CNR2: variants seen among roughly 807,000 people sequenced by gnomAD.
The protein encoded by CNR2 is cannabinoid receptor 2 (macrophage).
For synonymous variants in CNR2, 172 were observed against 182.2 expected, an observed-to-expected ratio of 0.94 and a Z score of 0.45; for missense variants, 379 against 439.9, an observed-to-expected ratio of 0.86 and a Z score of 1.24.
intron 1 of CNR2, among the ~76,000 whole-genome samples, chr1:23,876,405 T>C (rs1344238492): frequency 6.6e-6 from 1 of 151,654 alleles, no homozygotes; most frequent in Non-Finnish European, 1.5e-5. Flanking sequence ...GGTTTCACCA[T>C]GTTGGCCAGC....
chr1:23,903,641 C>T (rs918067024), intron 1 of CNR2, among the ~76,000 whole-genome samples: 29 of 150,714 alleles, frequency 1.9e-4, no homozygotes, highest in Non-Finnish European at 1.5e-4. Flanking sequence ...CCTAGGTTAA[C>T]ATATCAAAAG....
In CNR2 at chr1:23,872,335, T is replaced by C. The variant is rs1030707409; in HGVS notation, c.*2200A>G. On this transcript the variant is annotated 3_prime_UTR_variant, in exon 2 of 2. Coordinates refer to ENST00000374472, the MANE Select transcript of CNR2 (RefSeq NM_001841.3). The stretch of plus-strand genomic sequence containing the variant: ...CACATCTTGATTTTGACTTCTGGCC[T>C]CCAGAATTATGAGACAGTAAATTTC... 1 of 151,846 alleles carries C rather than the reference T, an allele frequency of 6.6e-6. No homozygotes were observed. The highest frequency in any genetic ancestry group is 1.5e-5 in the Non-Finnish European group (1 of 67,998). The allele number at this position is 151,846 out of a possible 1,614,324, so 9.4% of individuals were successfully genotyped here. A position where few individuals can be genotyped will look rare whatever the true frequency, so the allele number is the denominator to read the frequency against.
At position 23,874,683 on chromosome 1, in the gene CNR2, T is replaced by C; in HGVS notation, c.935A>G (p.His312Arg). The C allele has an allele frequency of 6.2e-7, 1 of 1,614,058 alleles. No individual in the cohort carries two copies. The highest frequency in any genetic ancestry group is 8.5e-7 in the Non-Finnish European group (1 of 1,180,002). The change falls in exon 2 of 2, where the codon CAC becomes CGC. Residue 312 changes from histidine to arginine, a missense_variant. By Grantham distance (29) the His-to-Arg change is conservative. Transcript: ENST00000374472. ...RSGEIRSSAH[H>R]CLAHWKKCVR... Reference sequence around the variant, plus strand: ...ACACTTCTTCCAGTGAGCCAGGCAGTGATGGGCAGAGGAGCGGATCTCTCC... The same window carrying C: ...ACACTTCTTCCAGTGAGCCAGGCAGCGATGGGCAGAGGAGCGGATCTCTCC...
intron 1 of CNR2, chr1:23,906,984 A>C (rs1225542777): frequency 1.1e-5 from 1 of 90,980 alleles, no homozygotes; most frequent in Non-Finnish European, 2.4e-5. Context: ...TATACCCAGT[A>C]CAGGAAAAGA....
intron 1 of CNR2, among the ~76,000 whole-genome samples, chr1:23,877,551 C>T (rs912771413): frequency 3.3e-5 from 5 of 151,906 alleles, no homozygotes; most frequent in South Asian, 4.1e-4. Context: ...AGGAGAATGG[C>T]GTGAACCCGG....
At chr1:23,909,499 G>T (rs1350817417) in intron 1 of CNR2, among the ~76,000 whole-genome samples, 2 of 152,090 alleles carry the variant, frequency 1.3e-5, no homozygotes, top group Non-Finnish European at 2.9e-5. Context: ...GCCTTTACAG[G>T]ACCGAGGTGA....
chr1:23,886,825 C>T (rs1380619509), intron 1 of CNR2, among the ~76,000 whole-genome samples: 1 of 152,244 alleles, frequency 6.6e-6, no homozygotes, highest in Non-Finnish European at 1.5e-5. Flanking sequence ...CAAGGCAAAA[C>T]TCCAGTGCAA....
At chr1:23,889,178 C>A (rs1374302708) in intron 1 of CNR2, among the ~76,000 whole-genome samples, 2 of 152,060 alleles carry the variant, frequency 1.3e-5, no homozygotes, top group African/African-American at 4.8e-5. Context: ...GACCTGAGAA[C>A]CTGCTCAGAA....
chr1:23,912,681 T>C (rs1365004497), intron 1 of CNR2, among the ~76,000 whole-genome samples: 1 of 152,188 alleles, frequency 6.6e-6, no homozygotes, highest in Non-Finnish European at 1.5e-5. Flanking sequence ...CATCTCTGTG[T>C]GTGTGATTCT....
chr1:23,876,362 C>T (rs532649335), intron 1 of CNR2, among the ~76,000 whole-genome samples: 1 of 151,776 alleles, frequency 6.6e-6, no homozygotes, highest in South Asian at 2.1e-4. Context: ...ACCCACCACA[C>T]CTGGCTAATT....
chr1:23,895,752 C>G (rs1377613943), intron 1 of CNR2, among the ~76,000 whole-genome samples: 1 of 152,110 alleles, frequency 6.6e-6, no homozygotes, highest in East Asian at 1.9e-4. Flanking sequence ...ATCCGCCCTC[C>G]TCGGCCTCCC....
rs183361377 is a variant in CNR2 at position 23,896,398 on chromosome 1, C to G, written c.-46+16848G>C. On this transcript the variant is annotated intron_variant, in intron 1 of 1. Coordinates refer to ENST00000374472, the MANE Select transcript of CNR2 (RefSeq NM_001841.3). ...AACAGGAGTAACAAGTAGTACTTGT[C>G]TCATCAGTGGTGGGGAGGCATGAAG... is the stretch of plus-strand genomic sequence containing the variant. Among the ~76,000 whole-genome samples the G allele has an allele frequency of 3.3e-5, 5 of 152,366 alleles. No individual in the cohort carries two copies. In the East Asian group the frequency reaches 9.6e-4, roughly 29 times the overall value.
At chr1:23,897,060 A>C (rs189660163) in intron 1 of CNR2, among the ~76,000 whole-genome samples, 1 of 152,042 alleles carries the variant, frequency 6.6e-6, no homozygotes, top group Non-Finnish European at 1.5e-5. Context: ...TTTTTAGTAG[A>C]GATGGGGTTT....
chr1:23,887,134 A>G (rs767840623), intron 1 of CNR2, among the ~76,000 whole-genome samples: 3 of 152,062 alleles, frequency 2.0e-5, no homozygotes, highest in Non-Finnish European at 4.4e-5. Flanking sequence ...ACCTTTGTTG[A>G]GTGTTGTCAA....
At chr1:23,897,751 C>T (rs556507589) in intron 1 of CNR2, among the ~76,000 whole-genome samples, 3 of 152,262 alleles carry the variant, frequency 2.0e-5, no homozygotes, top group East Asian at 1.9e-4. Context: ...TGAGCCACCA[C>T]GCCCGCCCTG....
intron 1 of CNR2, among the ~76,000 whole-genome samples, chr1:23,884,367 G>A (rs1324560221): frequency 2.8e-4 from 4 of 14,114 alleles, no homozygotes; most frequent in Non-Finnish European, 6.8e-4. Context: ...GTGTAGTGGC[G>A]CGATCTCGGC....
chr1:23,875,580 G>A lies in CNR2; in HGVS notation c.38C>T (p.Ser13Phe), dbSNP rs201016971. ...ECWVTEIANG[S>F]KDGLDSNPMK... ...AGGGTTGGAATCCAAGCCATCCTTG[G>A]AGCCATTGGCTATCTCTGTCACCCA... Residue 13 changes from serine (S) to phenylalanine (F), a missense_variant, in exon 2 of 2, where the codon TCC (serine) becomes TTC (phenylalanine). Coordinates refer to ENST00000374472, the MANE Select transcript of CNR2 (RefSeq NM_001841.3). The A allele has an allele frequency of 6.2e-7, 1 of 1,611,502 alleles. No individual in the cohort carries two copies. Among genetic ancestry groups the A allele is most frequent in the East Asian group, 2.2e-5 (1 of 44,802 alleles).
At chr1:23,876,826 C>A (rs1334668297) in intron 1 of CNR2, among the ~76,000 whole-genome samples, 6 of 109,338 alleles carry the variant, frequency 5.5e-5, no homozygotes, top group Non-Finnish European at 9.0e-5. Flanking sequence ...CAGAGCAAGA[C>A]TCTGTCTCAA....
Position 23,874,375 on chromosome 1 carries a change from G to A in CNR2, c.*160C>T. The A allele has an allele frequency of 3.8e-6, 3 of 786,326 alleles. No homozygotes were observed. In the South Asian group the frequency reaches 5.3e-5, roughly 14 times the overall value. The allele number at this position is 786,326 out of a possible 1,614,324, so 48.7% of individuals were successfully genotyped here. A position where few individuals can be genotyped will look rare whatever the true frequency, so the allele number is the denominator to read the frequency against. On this transcript the variant is annotated 3_prime_UTR_variant, in exon 2 of 2. Coordinates refer to ENST00000374472, the MANE Select transcript of CNR2 (RefSeq NM_001841.3). ...GTGTGCAGGTGGGCAAGGCCAGGCTGTCTTCCAGGAGTCAGTCCCAACACT... is the reference window on the plus strand; with the variant it reads ...GTGTGCAGGTGGGCAAGGCCAGGCTATCTTCCAGGAGTCAGTCCCAACACT...
Sources: allele counts gnomAD v4.1 joint callset (sites outside exome capture counted in the v4.1 genomes callset), GRCh38; gene constraint gnomAD v4.1.1; transcripts MANE v1.5; gene names NCBI Gene and HGNC (gene_info 2026-07-23, HGNC 2026-07-21).